The following NCF2 variants were observed in gnomAD, a reference collection of about 807,000 sequenced individuals.
NCF2 encodes the protein neutrophil cytosol factor 2.
NCF2 carries 45 observed loss-of-function variants against 70.9 expected under a neutral mutation model. The ratio of observed to expected loss-of-function variants is 0.63; its 90% CI spans 0.50 to 0.81. The LOEUF (loss-of-function observed/expected upper bound fraction) is 0.81, where lower values mean the gene tolerates loss of function less well. Ranked by LOEUF, NCF2 falls within the 40% of genes least tolerant of loss-of-function variation. The probability of loss-of-function intolerance (pLI) is 0.00; values close to 1 mark genes in which losing one functional copy is unlikely to be tolerated. For synonymous variants in NCF2, 203 were observed against 233.6 expected, an observed-to-expected ratio of 0.87 and a Z score of 1.19; for missense variants, 522 against 631.6, an observed-to-expected ratio of 0.83 and a Z score of 1.86.
At chr1:183,589,394 T>C (rs1333396094) in intron 1 of NCF2, among the ~76,000 whole-genome samples, 1 of 152,226 alleles carries the variant, frequency 6.6e-6, no homozygotes, top group African/African-American at 2.4e-5. Context: ...CTACATAGCT[T>C]GCTTAAGACT....
the NCF2 span, among the ~76,000 whole-genome samples, chr1:183,596,366 G>T: frequency 6.6e-6 from 1 of 151,394 alleles, no homozygotes; most frequent in Non-Finnish European, 1.5e-5. Context: ...ACAATGTCTA[G>T]TACCTGCATA....
In NCF2 at chr1:183,563,065, G is replaced by A. The variant is rs3845461; in HGVS notation, c.1290+130C>T. ...GCAGGTAAAAGGGAGGCAGAGCTGT[G>A]ACTTATTACACACCATATCCCCAAC... On this transcript the variant is annotated intron_variant, in intron 13 of 14. Coordinates refer to ENST00000367535, the MANE Select transcript of NCF2 (RefSeq NM_000433.4). 23,677 of 836,954 alleles carry A rather than the reference G, an allele frequency of 0.028. 872 individuals carry two copies. Among genetic ancestry groups the A allele is most frequent in the East Asian group, 0.17 (6,482 of 38,166 alleles). 51.8% of individuals were successfully genotyped at this position (836,954 alleles called of 1,614,324 possible). A position where few individuals can be genotyped will look rare whatever the true frequency, so the allele number is the denominator to read the frequency against.
At position 183,579,804 on chromosome 1, in the gene NCF2, G is replaced by A. The variant is rs577073418; in HGVS notation, c.258-2097C>T. 4.7e-5 allele frequency among the ~76,000 whole-genome samples: 7 copies of A among 148,504 alleles called. No individual in the cohort carries two copies. In the South Asian group the frequency reaches 1.5e-3, roughly 32 times the overall value. ...CATATACCTCACAGGTTCATTGTGA[G>A]AACTAAAGGAGATGAAGCATTTGGG... On this transcript the variant is annotated intron_variant, in intron 2 of 14. Transcript: ENST00000367535.
At chr1:183,556,876 CTT>C (rs971528387) in intron 14 of NCF2, among the ~76,000 whole-genome samples, 16 of 152,104 alleles carry the variant, frequency 1.1e-4, no homozygotes, top group African/African-American at 2.2e-4. Context: ...TGTTGGGAAT[CTT>C]TGTTTTGACT....
chr1:183,569,651 C>T (rs1558096382), intron 6 of NCF2, among the ~76,000 whole-genome samples: 2 of 152,210 alleles, frequency 1.3e-5, no homozygotes, highest in Admixed American at 6.5e-5. Context: ...TGCAGTGGCG[C>T]GATCTTGGCT....
At chr1:183,593,869 A>G (rs1395662473), upstream of NCF2, among the ~76,000 whole-genome samples, 1 of 152,176 alleles carries the variant, frequency 6.6e-6, no homozygotes, top group East Asian at 1.9e-4. Flanking sequence ...CATGCGCTTC[A>G]GGAGGGAAAG....
rs1017612426 is a variant in NCF2, at chr1:183,570,895, G to A, written c.610-56C>T. The A allele has an allele frequency of 4.8e-5, 75 of 1,575,610 alleles. 2 individuals carry two copies. The South Asian group carries it at 7.4e-4, about 16-fold the overall frequency. ...CTGCCAGCACTGTTTCCATTCTTCT[G>A]GGTCTCCCTCTTTGCTCATGCCCTA... On this transcript the variant is annotated intron_variant, in intron 5 of 14. Coordinates refer to ENST00000367535, the MANE Select transcript of NCF2 (RefSeq NM_000433.4).
chr1:183,567,606 A>C (rs542947550), intron 7 of NCF2: 10 of 551,058 alleles, frequency 1.8e-5, no homozygotes, highest in East Asian at 3.5e-5. Context: ...AGGACTTACA[A>C]TCCTTGCCCT....
At chr1:183,598,085 G>A in the NCF2 span, 1 of 152,422 alleles carries the variant, frequency 6.6e-6, no homozygotes, top group African/African-American at 2.4e-5. Flanking sequence ...CCGGAAAGCA[G>A]AGGAAGCCAG....
At position 183,575,953 on chromosome 1, in the gene NCF2, C is replaced by T. The variant is rs1435247969; in HGVS notation, c.367-1332G>A. On this transcript the variant is annotated intron_variant, in intron 3 of 14. Transcript: ENST00000367535. ...TCAATGAGCTACTGCCTTCTGAATT[C>T]GTTGGCTTCTCCAGCCCACTCCTGA... Among the ~76,000 whole-genome samples the T allele has an allele frequency of 4.6e-5, 7 of 152,200 alleles. No homozygotes were observed. In the East Asian group the frequency reaches 7.7e-4, roughly 17 times the overall value.
chr1:183,585,098 T>C (rs1673282724), intron 2 of NCF2, among the ~76,000 whole-genome samples: 1 of 152,168 alleles, frequency 6.6e-6, no homozygotes, highest in Non-Finnish European at 1.5e-5. Context: ...TCTACATCTT[T>C]AAGGTCCTTT....
rs776937532 is a variant in NCF2 at position 183,590,398 on chromosome 1, C to G, written c.-69G>C. 6.3e-7 allele frequency: 1 copy of G among 1,586,010 alleles called. No homozygotes were observed. Among genetic ancestry groups the G allele is most frequent in the Non-Finnish European group, 8.6e-7 (1 of 1,157,528 alleles). Reference sequence around the variant, plus strand: ...GAGAGAAGACAGGTTGGAGCGTCTCCCCTAGCAGGGCTGCCTTAGTGGCCC... The same window carrying G: ...GAGAGAAGACAGGTTGGAGCGTCTCGCCTAGCAGGGCTGCCTTAGTGGCCC... On this transcript the variant is annotated 5_prime_UTR_variant, in exon 1 of 15. Coordinates refer to ENST00000367535, the MANE Select transcript of NCF2 (RefSeq NM_000433.4).
At position 183,559,732 on chromosome 1, in the gene NCF2, G is replaced by A. The variant is rs377686504; in HGVS notation, c.1468+364C>T. ...AAATTAGCTAGGCATGGTGGTGGGC[G>A]CCTGTAATCCTAGCTACTCAGGAGG... On this transcript the variant is annotated intron_variant, in intron 14 of 14. Transcript: ENST00000367535. Among the ~76,000 whole-genome samples the A allele has an allele frequency of 8.7e-4, 133 of 152,212 alleles. 2 individuals carry two copies. The East Asian group carries it at 0.018, about 21-fold the overall frequency.
Position 183,564,032 on chromosome 1 carries a change from T to A in NCF2, c.1001-2A>T. The A allele has an allele frequency of 6.2e-7, 1 of 1,610,720 alleles. No homozygotes were observed. The highest frequency in any genetic ancestry group is 8.5e-7 in the Non-Finnish European group (1 of 1,176,880). On this transcript the variant is annotated splice_acceptor_variant, in intron 10 of 14. Coordinates refer to ENST00000367535, the MANE Select transcript of NCF2 (RefSeq NM_000433.4). LOFTEE classifies it high-confidence loss of function. The stretch of plus-strand genomic sequence containing the variant: ...TAGGCTCTTCTTTTTGTTTCTGGCC[T>A]GAATGGAAAAAGTAGGGAGTAAAAC...
the NCF2 span, among the ~76,000 whole-genome samples, chr1:183,599,423 C>CCTTCTTTCTTTCTTTCTTTCT: frequency 9.3e-6 from 1 of 107,426 alleles, no homozygotes; most frequent in South Asian, 3.2e-4. Context: ...TCTTTCTTTC[C>CCTTCTTTCTTTCTTTCTTTCT]TTCTTTCTTT....
At position 183,584,564 on chromosome 1, in the gene NCF2, A is replaced by AT. The variant is rs544473995; in HGVS notation, c.257+2330dup. Among the ~76,000 whole-genome samples the AT allele has an allele frequency of 1.1e-4, 17 of 152,300 alleles. No homozygotes were observed. In the South Asian group the frequency reaches 1.4e-3, roughly 13 times the overall value. On this transcript the variant is annotated intron_variant, in intron 2 of 14. Coordinates refer to ENST00000367535, the MANE Select transcript of NCF2 (RefSeq NM_000433.4). The stretch of plus-strand genomic sequence containing the variant: ...CTTCCAGATCCTGGGACTCACGGGC[A>AT]TTTTTTGGAGGAAATTCTTTCTGGG...
upstream of NCF2, among the ~76,000 whole-genome samples, chr1:183,592,561 T>G (rs983775240): frequency 2.0e-5 from 3 of 152,192 alleles, no homozygotes; most frequent in African/African-American, 7.2e-5. Flanking sequence ...GATGAAGGGA[T>G]ACATTCTAAA....
chr1:183,579,621 C>A (rs1231425748), intron 2 of NCF2, among the ~76,000 whole-genome samples: 1 of 151,348 alleles, frequency 6.6e-6, no homozygotes, highest in Non-Finnish European at 1.5e-5. Context: ...CGCCTGTAGT[C>A]CCAGCTACTC....
chr1:183,589,419 A>C (rs1221291800), intron 1 of NCF2, among the ~76,000 whole-genome samples: 1 of 152,220 alleles, frequency 6.6e-6, no homozygotes, highest in Non-Finnish European at 1.5e-5. Flanking sequence ...GTCCAGAGAG[A>C]GACAGAGGCT....
Sources: gnomAD v4.1 joint callset for allele counts (sites outside exome capture counted in the v4.1 genomes callset) on GRCh38, gnomAD v4.1.1 for gene constraint, MANE v1.5 for transcripts, NCBI Gene and HGNC (gene_info 2026-07-23, HGNC 2026-07-21) for gene names.